Variants in MRC1 observed in about 807,000 individuals in gnomAD.
MRC1 encodes macrophage mannose receptor 1.
A neutral mutation model predicts 102.9 loss-of-function variants in MRC1; 62 were observed. The ratio of observed to expected loss-of-function variants is 0.60; its 90% CI spans 0.49 to 0.74. The LOEUF (loss-of-function observed/expected upper bound fraction) is 0.74, where lower values mean the gene tolerates loss of function less well. Among genes scored for constraint, MRC1 ranks in the 30% least tolerant of loss-of-function variants. MRC1 has a pLI of 0.00. For synonymous variants in MRC1, 457 were observed against 298.4 expected (o/e 1.53, Z -5.48); for missense variants, 1,237 against 862.8 (o/e 1.43, Z -5.43).
intron 11 of MRC1, 106 bp downstream of exon 11, chr10:17,863,788 AT>A: frequency 1.5e-6 from 1 of 682,782 alleles, no homozygotes. Flanking sequence ...TAAATTAGTC[AT>A]GCTTTTAGTA....
intron 22 of MRC1, among the ~76,000 whole-genome samples, chr10:17,886,921 G>A (rs1833605721): frequency 6.6e-6 from 1 of 152,122 alleles, no homozygotes; most frequent in Non-Finnish European, 1.5e-5. Context: ...TTAGAGAAAT[G>A]TAGATGCCCT....
In MRC1 at chr10:17,835,278, A is replaced by G. The variant is rs989021986; in HGVS notation, c.802+1439A>G. Among the ~76,000 whole-genome samples, 182 of 152,314 alleles carry G rather than the reference A, an allele frequency of 1.2e-3. 1 individual carries two copies. Among genetic ancestry groups the G allele is most frequent in the African/African-American group, 4.3e-3 (179 of 41,550 alleles). Reference sequence around the variant, plus strand: ...ATTAGTATAATAGCTACTTACACATATGTCCTGCTTCCTTGACAACACTAT... The same window carrying G: ...ATTAGTATAATAGCTACTTACACATGTGTCCTGCTTCCTTGACAACACTAT... On this transcript the variant is annotated intron_variant, in intron 4 of 29. Transcript: ENST00000569591.
At chr10:17,826,280 G>A (rs1483093143) in intron 2 of MRC1, among the ~76,000 whole-genome samples, 2 of 152,026 alleles carry the variant, frequency 1.3e-5, no homozygotes, top group African/African-American at 4.8e-5. Flanking sequence ...TCGGCTCACA[G>A]CAACCTCCGC....
chr10:17,830,452 G>A (rs1838553269), intron 3 of MRC1, among the ~76,000 whole-genome samples: 1 of 151,380 alleles, frequency 6.6e-6, no homozygotes. Flanking sequence ...TTTTATATCA[G>A]CCTTAAAAGT....
chr10:17,810,494 A>G (rs1589159795), intron 1 of MRC1, among the ~76,000 whole-genome samples: 1 of 152,224 alleles, frequency 6.6e-6, no homozygotes, highest in African/African-American at 2.4e-5. Flanking sequence ...ATTGAGTGGT[A>G]GTGATTACAA....
chr10:17,838,022 C>A (rs1403780065), intron 4 of MRC1, among the ~76,000 whole-genome samples: 1 of 151,874 alleles, frequency 6.6e-6, no homozygotes, highest in Non-Finnish European at 1.5e-5. Context: ...CCCACAGCAA[C>A]CTCATGAATA....
intron 1 of MRC1, among the ~76,000 whole-genome samples, chr10:17,813,003 T>TGA (rs1267459878): frequency 6.6e-5 from 10 of 152,108 alleles, no homozygotes; most frequent in African/African-American, 2.4e-4. Context: ...AAAATGATAA[T>TGA]GAGAGACGTC....
In MRC1 at chr10:17,880,941, G is replaced by A. The variant is rs940011334; in HGVS notation, c.2866-126G>A. ...TAACAATTTTTTAAATCTCCAGTTG[G>A]TGGTGAGAAAATTCTGATTTAGCTA... is the stretch of plus-strand genomic sequence containing the variant. On this transcript the variant is annotated intron_variant, in intron 20 of 29. Coordinates refer to ENST00000569591, the MANE Select transcript of MRC1 (RefSeq NM_002438.4). 550 of 724,048 alleles carry A rather than the reference G, an allele frequency of 7.6e-4. 1 individual carries two copies. In the African/African-American group the frequency reaches 8.7e-3, roughly 11 times the overall value. The allele number at this position is 724,048 out of a possible 1,614,324, so 44.9% of individuals were successfully genotyped here. A position where few individuals can be genotyped will look rare whatever the true frequency, so the allele number is the denominator to read the frequency against.
intron 4 of MRC1, among the ~76,000 whole-genome samples, chr10:17,838,575 T>TA (rs1322518214): frequency 0.029 from 4,294 of 149,900 alleles, 207 homozygotes; most frequent in East Asian, 0.11. Context: ...AAAAAGAAAG[T>TA]AAAAAAAACA....
At chr10:17,889,153 G>A (rs1404803282) in intron 22 of MRC1, among the ~76,000 whole-genome samples, 2 of 152,040 alleles carry the variant, frequency 1.3e-5, no homozygotes, top group African/African-American at 2.4e-5. Context: ...TAACTTATGT[G>A]TATCTTTATA....
rs1363266953 is a variant in MRC1 at position 17,901,019 on chromosome 10, G to C, written c.3649+66G>C. 4.0e-6 allele frequency: 3 copies of C among 742,852 alleles called. No homozygotes were observed. The African/African-American group carries it at 5.2e-5, about 13-fold the overall frequency. The allele number at this position is 742,852 out of a possible 1,614,324, so 46.0% of individuals were successfully genotyped here. On this transcript the variant is annotated intron_variant, in intron 25 of 29. Transcript: ENST00000569591. Reference sequence around the variant, plus strand: ...TCTGAATAAGCTACTACATACCACTGTTGATATTATTAAACAGTAATGTGT... The same window carrying C: ...TCTGAATAAGCTACTACATACCACTCTTGATATTATTAAACAGTAATGTGT...
intron 21 of MRC1, among the ~76,000 whole-genome samples, chr10:17,884,988 G>T (rs895122274): frequency 3.9e-5 from 6 of 152,178 alleles, no homozygotes; most frequent in Admixed American, 2.0e-4. Context: ...AGATAGGGGC[G>T]CACAGAATGG....
chr10:17,834,993 C>T (rs992877017), intron 4 of MRC1, among the ~76,000 whole-genome samples: 9 of 152,128 alleles, frequency 5.9e-5, no homozygotes, highest in African/African-American at 2.2e-4. Context: ...TTCTCATTTC[C>T]CATCAAATAA....
At position 17,898,168 on chromosome 10, in the gene MRC1, C is replaced by T. The variant is rs995964667; in HGVS notation, c.3385C>T (p.Leu1129Phe). 1.8e-5 allele frequency: 14 copies of T among 780,766 alleles called. No homozygotes were observed. The highest frequency in any genetic ancestry group is 3.1e-5 in the Non-Finnish European group (13 of 417,982). 48.4% of individuals were successfully genotyped at this position (780,766 alleles called of 1,614,324 possible). Reference sequence around the variant, plus strand: ...GACATACTGCAAGCTTCACAATTCCCTTATAGCCAGCATTCTGGATCCCTA... The same window carrying T: ...GACATACTGCAAGCTTCACAATTCCTTTATAGCCAGCATTCTGGATCCCTA... The part of the protein sequence containing the change: ...AETYCKLHNS[L>F]IASILDPYSN... Residue 1129 changes from leucine to phenylalanine, a missense_variant, in exon 24 of 30, where the codon CTT becomes TTT. Coordinates refer to ENST00000569591, the MANE Select transcript of MRC1 (RefSeq NM_002438.4).
intron 17 of MRC1, among the ~76,000 whole-genome samples, chr10:17,876,095 T>G (rs1833433069): frequency 6.6e-6 from 1 of 152,140 alleles, no homozygotes; most frequent in Admixed American, 6.5e-5. Flanking sequence ...GTGTCTACAA[T>G]TGGTACCCCC....
intron 5 of MRC1, among the ~76,000 whole-genome samples, chr10:17,843,060 G>A (rs1487949441): frequency 2.0e-5 from 3 of 152,280 alleles, no homozygotes; most frequent in Non-Finnish European, 2.9e-5. Flanking sequence ...AAGTGAGGAT[G>A]TTTTGCATAA....
chr10:17,880,414 T>A lies in MRC1; in HGVS notation c.2720-111T>A. ...GTCACATATAAAAATAAAGTTTGAT[T>A]ATAGTCTAAATAAGTTTTGAGAATT... On this transcript the variant is annotated intron_variant, in intron 19 of 29. Coordinates refer to ENST00000569591, the MANE Select transcript of MRC1 (RefSeq NM_002438.4). 3 of 737,284 alleles carry A rather than the reference T, an allele frequency of 4.1e-6. No homozygotes were observed. The South Asian group carries it at 4.5e-5, about 11-fold the overall frequency. The allele number at this position is 737,284 out of a possible 1,614,324, so 45.7% of individuals were successfully genotyped here.
At chr10:17,886,771 G>T (rs1243457772) in intron 22 of MRC1, among the ~76,000 whole-genome samples, 2 of 152,152 alleles carry the variant, frequency 1.3e-5, no homozygotes, top group Non-Finnish European at 2.9e-5. Context: ...GAAAGGCCAT[G>T]TTAGATGGTC....
chr10:17,850,546 G>A (rs1269075934), intron 7 of MRC1, among the ~76,000 whole-genome samples: 2 of 152,178 alleles, frequency 1.3e-5, no homozygotes, highest in African/African-American at 2.4e-5. Flanking sequence ...AATGAGCTGG[G>A]AATGCTTGTC....
Sources: allele counts gnomAD v4.1 joint callset (sites outside exome capture counted in the v4.1 genomes callset), GRCh38; gene constraint gnomAD v4.1.1; transcripts MANE v1.5; gene names NCBI Gene and HGNC (gene_info 2026-07-23, HGNC 2026-07-21).